The following CSPP1 variants were observed in gnomAD, a reference collection of about 807,000 sequenced individuals.
CSPP1 encodes the protein centrosome and spindle pole associated protein 1.
A neutral mutation model predicts 164.4 loss-of-function variants in CSPP1; 126 were observed. That is an observed-to-expected ratio of 0.77 (90% confidence interval 0.66 to 0.89). The LOEUF is 0.89. Ranked by LOEUF, CSPP1 falls within the 40% of genes least tolerant of loss-of-function variation. The pLI is 0.00. For missense variants in CSPP1, 1,395 were observed against 1,449.8 expected (o/e 0.96, Z 0.61); for synonymous variants, 472 against 476.7 (o/e 0.99, Z 0.13).
intron 21 of CSPP1, among the ~76,000 whole-genome samples, chr8:67,159,666 C>A (rs1232371525): frequency 6.6e-6 from 1 of 150,716 alleles, no homozygotes; most frequent in African/African-American, 2.4e-5. Context: ...GGACTACAGG[C>A]ACACGCCATC....
At chr8:67,162,408 T>C (rs954273761) in intron 22 of CSPP1, among the ~76,000 whole-genome samples, 1 of 152,192 alleles carries the variant, frequency 6.6e-6, no homozygotes, top group African/African-American at 2.4e-5. Flanking sequence ...GGTCAGAACA[T>C]GTGTGGCATG....
At chr8:67,096,068 A>G (rs184179751) in intron 7 of CSPP1, among the ~76,000 whole-genome samples, 1 of 152,354 alleles carries the variant, frequency 6.6e-6, no homozygotes, top group Admixed American at 6.5e-5. Context: ...GAGAGTAAAG[A>G]TACAAACAAC....
intron 17 of CSPP1, among the ~76,000 whole-genome samples, chr8:67,143,599 C>G (rs1823924536): frequency 6.6e-6 from 1 of 151,988 alleles, no homozygotes; most frequent in African/African-American, 2.4e-5. Context: ...TAGTTAATTT[C>G]TCTCAGCAAT....
chr8:67,095,547 T>TCAA lies in CSPP1; in HGVS notation c.739_741dup (p.Gln247dup). The TCAA allele has an allele frequency of 6.2e-7, 1 of 1,613,634 alleles. No individual in the cohort carries two copies. ...AAGTGGGCATTTCCAACCTAAAACA[T>TCAA]CAAAGGTTTGCAAGCAAGGCTGGCA... is the stretch of plus-strand genomic sequence containing the variant. On this transcript the variant is annotated inframe_insertion, in exon 7 of 31. Coordinates refer to ENST00000678616, the MANE Select transcript of CSPP1 (RefSeq NM_001382391.1).
intron 24 of CSPP1, among the ~76,000 whole-genome samples, chr8:67,168,763 A>G (rs141493484): frequency 4.6e-5 from 7 of 152,346 alleles, no homozygotes; most frequent in East Asian, 1.9e-4. Flanking sequence ...TTCAACTCCT[A>G]TTATGTGCTA....
intron 4 of CSPP1, among the ~76,000 whole-genome samples, chr8:67,090,878 C>T (rs529295888): frequency 6.6e-6 from 1 of 152,230 alleles, no homozygotes; most frequent in South Asian, 2.1e-4. Flanking sequence ...TCCTTATAAC[C>T]TAGTGATGTG....
At chr8:67,069,085 C>G (rs1449500108) in intron 1 of CSPP1, 1 of 152,234 alleles carries the variant, frequency 6.6e-6, no homozygotes, top group Non-Finnish European at 1.5e-5. Flanking sequence ...TAAGTCTTTT[C>G]CAATACCCTC....
intron 1 of CSPP1, among the ~76,000 whole-genome samples, chr8:67,070,148 C>T (rs540834372): frequency 8.5e-5 from 13 of 152,060 alleles, no homozygotes; most frequent in East Asian, 7.7e-4. Context: ...AAAAATCTTT[C>T]GTGACTATTA....
rs1268489150 is a variant in CSPP1 at position 67,195,847 on chromosome 8, A to AACT, written c.*259_*261dup. 2 of 433,922 alleles carry AACT rather than the reference A, an allele frequency of 4.6e-6. No individual in the cohort carries two copies. Among genetic ancestry groups the AACT allele is most frequent in the East Asian group, 8.7e-5 (2 of 23,038 alleles). The allele number at this position is 433,922 out of a possible 1,614,324, so 26.9% of individuals were successfully genotyped here. On this transcript the variant is annotated 3_prime_UTR_variant, in exon 31 of 31. Coordinates refer to ENST00000678616, the MANE Select transcript of CSPP1 (RefSeq NM_001382391.1). ...ATTAGGGTGGTAATGAACTGGATTG[A>AACT]ACTACTATATGTGCATTATATTGAA...
chr8:67,076,596 G>A lies in CSPP1; in HGVS notation c.199+15G>A. 1 of 1,419,620 alleles carries A rather than the reference G, an allele frequency of 7.0e-7. No individual in the cohort carries two copies. The highest frequency in any genetic ancestry group is 9.7e-7 in the Non-Finnish European group (1 of 1,030,712). The allele number at this position is 1,419,620 out of a possible 1,614,324, so 87.9% of individuals were successfully genotyped here. On this transcript the variant is annotated intron_variant, in intron 3 of 30. Coordinates refer to ENST00000678616, the MANE Select transcript of CSPP1 (RefSeq NM_001382391.1). ...GGGTTCCTTAGGTATGTCATTAGAT[G>A]TGCTAAACTTATTTTAAGATATCCT...
chr8:67,104,530 A>G (rs1389689858), intron 8 of CSPP1, among the ~76,000 whole-genome samples: 2 of 150,086 alleles, frequency 1.3e-5, no homozygotes, highest in Non-Finnish European at 3.0e-5. Flanking sequence ...GCCATTGCGC[A>G]TGGCCAGGAA....
intron 9 of CSPP1, among the ~76,000 whole-genome samples, chr8:67,108,828 A>G (rs1816213607): frequency 6.6e-6 from 1 of 152,188 alleles, no homozygotes; most frequent in African/African-American, 2.4e-5. Context: ...CCTTCCCCTA[A>G]CAGTAACAAG....
chr8:67,076,779 A>T (rs963553724), intron 3 of CSPP1, among the ~76,000 whole-genome samples, 198 bp downstream of exon 3: 4 of 152,236 alleles, frequency 2.6e-5, no homozygotes, highest in Non-Finnish European at 5.9e-5. Flanking sequence ...GTGATACTGC[A>T]TTGGTTATGA....
At chr8:67,072,217 C>T (rs1024603149) in intron 1 of CSPP1, among the ~76,000 whole-genome samples, 1 of 151,722 alleles carries the variant, frequency 6.6e-6, no homozygotes, top group Non-Finnish European at 1.5e-5. Context: ...TGTTTGAACC[C>T]AAGAGGCGGA....
At chr8:67,105,373 ATGTTTT>A (rs898356568) in intron 8 of CSPP1, among the ~76,000 whole-genome samples, 8 of 151,874 alleles carry the variant, frequency 5.3e-5, no homozygotes, top group African/African-American at 1.7e-4. Context: ...AGCAAGCTGA[ATGTTTT>A]TGTTTTTGTT....
intron 17 of CSPP1, among the ~76,000 whole-genome samples, chr8:67,141,375 C>T (rs1823454681): frequency 6.6e-6 from 1 of 152,038 alleles, no homozygotes; most frequent in Non-Finnish European, 1.5e-5. Flanking sequence ...GTTTAGTTGG[C>T]TTATTTAATG....
At chr8:67,144,931 G>A (rs1187307312) in intron 17 of CSPP1, among the ~76,000 whole-genome samples, 2 of 151,490 alleles carry the variant, frequency 1.3e-5, no homozygotes, top group Non-Finnish European at 2.9e-5. Flanking sequence ...AATTAGCTGT[G>A]TGTGGTGGTG....
intron 28 of CSPP1, 136 bp downstream of exon 28, chr8:67,180,062 C>T (rs1832652917): frequency 1.9e-6 from 1 of 534,744 alleles, no homozygotes; most frequent in Non-Finnish European, 3.2e-6. Context: ...CTGTTTTAAT[C>T]AGATATGCCT....
At chr8:67,068,988 G>C (rs897574900) in intron 1 of CSPP1, 7 of 152,284 alleles carry the variant, frequency 4.6e-5, no homozygotes, top group African/African-American at 1.7e-4. Context: ...TACCATCATA[G>C]AATTAACCCC....
Sources: gnomAD v4.1 joint callset for allele counts (sites outside exome capture counted in the v4.1 genomes callset) on GRCh38, gnomAD v4.1.1 for gene constraint, MANE v1.5 for transcripts, NCBI Gene and HGNC (gene_info 2026-07-23, HGNC 2026-07-21) for gene names.